The following NCOR1 variants were observed in gnomAD, a reference collection of about 807,000 sequenced individuals.
NCOR1 encodes nuclear receptor corepressor 1, also known as protein phosphatase 1, regulatory subunit 109.
In NCOR1, 63 loss-of-function variants were observed where a neutral mutation model predicts 288.1. That is an observed-to-expected ratio of 0.22 (90% CI 0.18 to 0.27). The LOEUF (loss-of-function observed/expected upper bound fraction) is 0.27, where lower values mean the gene tolerates loss of function less well. NCOR1 is among the 10% of genes least tolerant of loss of function. The pLI, the probability that NCOR1 is intolerant of heterozygous loss-of-function variation, is 1.00. For missense variants in NCOR1, 2,397 were observed against 3,019.2 expected (o/e 0.79, Z 4.83); for synonymous variants, 1,007 against 1,065.9 (o/e 0.94, Z 1.08).
intron 37 of NCOR1, among the ~76,000 whole-genome samples, chr17:16,059,338 C>A (rs1172629401): frequency 6.6e-6 from 1 of 152,148 alleles, no homozygotes; most frequent in Non-Finnish European, 1.5e-5. Context: ...TTATATAACA[C>A]TATATAATGA....
At chr17:16,167,785 G>A (rs976953446) in intron 4 of NCOR1, among the ~76,000 whole-genome samples, 110 of 148,330 alleles carry the variant, frequency 7.4e-4, no homozygotes, top group East Asian at 1.2e-3. Flanking sequence ...GCTTGAACCC[G>A]GGAGGCGGAG....
Position 16,215,492 on chromosome 17 carries a change from C to T in NCOR1, c.-201G>A, listed in dbSNP as rs1279238888. 2.5e-6 allele frequency: 1 copy of T among 398,690 alleles called. No homozygotes were observed. Among genetic ancestry groups the T allele is most frequent in the Non-Finnish European group, 4.4e-6 (1 of 226,240 alleles). 24.7% of individuals were successfully genotyped at this position (398,690 alleles called of 1,614,324 possible). On this transcript the variant is annotated 5_prime_UTR_variant, in exon 1 of 46. Coordinates refer to ENST00000268712, the MANE Select transcript of NCOR1 (RefSeq NM_006311.4). ...GGACGCTCACTCCAGCCGCCGCCGC[C>T]GCCGCGGCTGCTGCTTCGCCACCTT...
At position 16,087,743 on chromosome 17, in the gene NCOR1, T is replaced by C. The variant is rs531966924; in HGVS notation, c.3017-1301A>G. Among the ~76,000 whole-genome samples, 2 of 152,338 alleles carry C rather than the reference T, an allele frequency of 1.3e-5. 1 individual carries two copies. Among genetic ancestry groups the C allele is most frequent in the Admixed American group, 1.3e-4 (2 of 15,302 alleles). On this transcript the variant is annotated intron_variant, in intron 22 of 45. Transcript: ENST00000268712. ...AATTAGCCTGTTGAAGCTCACTCCT[T>C]GCTAATATTCACAGAAATATATTTA...
At position 16,101,240 on chromosome 17, in the gene NCOR1, C is replaced by A. The variant is rs763285607; in HGVS notation, c.2690+10G>T. ...GTAAGCACGGGGAGGACTTATGGAA[C>A]GAGCCTCACCTCTGCCTCTCTGGCT... On this transcript the variant is annotated intron_variant, in intron 20 of 45. Coordinates refer to ENST00000268712, the MANE Select transcript of NCOR1 (RefSeq NM_006311.4). The A allele has an allele frequency of 1.6e-5, 25 of 1,565,348 alleles. No homozygotes were observed. In the South Asian group the frequency reaches 2.9e-4, roughly 18 times the overall value.
intron 1 of NCOR1, among the ~76,000 whole-genome samples, chr17:16,211,024 CCT>C (rs2092079482): frequency 6.6e-6 from 1 of 152,068 alleles, no homozygotes; most frequent in African/African-American, 2.4e-5. Context: ...AGCCACCGCG[CCT>C]GGCCGATTTT....
intron 37 of NCOR1, 112 bp downstream of exon 37, chr17:16,061,289 T>C: frequency 1.5e-6 from 2 of 1,325,910 alleles, no homozygotes; most frequent in Non-Finnish European, 2.1e-6. Context: ...TTGCATTACA[T>C]TTACTATCAA....
intron 42 of NCOR1, among the ~76,000 whole-genome samples, chr17:16,046,226 TG>T (rs1208705637): frequency 6.6e-6 from 1 of 152,194 alleles, no homozygotes; most frequent in Non-Finnish European, 1.5e-5. Flanking sequence ...GACTTGGACT[TG>T]TCCTATACTT....
rs542159200 is a variant in NCOR1 at position 16,169,286 on chromosome 17, A to C, written c.435+2517T>G. ...AGCAAAAAAACAACAACAACAACAAAAAACCCATAAAATTAAATAAAATTA... is the reference window on the plus strand; with the variant it reads ...AGCAAAAAAACAACAACAACAACAACAAACCCATAAAATTAAATAAAATTA... On this transcript the variant is annotated intron_variant, in intron 4 of 45. Transcript: ENST00000268712. 2.0e-4 allele frequency among the ~76,000 whole-genome samples: 31 copies of C among 151,400 alleles called. No individual in the cohort carries two copies. The East Asian group carries it at 4.7e-3, about 23-fold the overall frequency.
intron 22 of NCOR1, among the ~76,000 whole-genome samples, chr17:16,091,283 CA>C (rs1483656350): frequency 2.6e-5 from 4 of 152,208 alleles, no homozygotes; most frequent in African/African-American, 9.7e-5. Context: ...TGTTATATAA[CA>C]ATACCGAATG....
rs570572793 is a variant in NCOR1, at chr17:16,029,685, G to A, written c.*2611C>T. The A allele has an allele frequency of 1.3e-5, 2 of 154,828 alleles. No individual in the cohort carries two copies. Among genetic ancestry groups the A allele is most frequent in the African/African-American group, 4.8e-5 (2 of 41,572 alleles). The allele number at this position is 154,828 out of a possible 1,614,324, so 9.6% of individuals were successfully genotyped here. A position where few individuals can be genotyped will look rare whatever the true frequency, so the allele number is the denominator to read the frequency against. ...CAGTAAGTTGTCAGTGCTGCTCTGT[G>A]CTTACCACTTAAATCATGATAAGGT... On this transcript the variant is annotated 3_prime_UTR_variant, in exon 46 of 46. Transcript: ENST00000268712.
intron 27 of NCOR1, 37 bp from the exon 28 acceptor site, chr17:16,073,606 C>A (rs749870850): frequency 1.3e-6 from 2 of 1,544,710 alleles, no homozygotes; most frequent in Admixed American, 4.0e-5. Flanking sequence ...TCAGACGGAG[C>A]ACATGGTATA....
At position 16,040,470 on chromosome 17, in the gene NCOR1, A is replaced by C; in HGVS notation, c.6704T>G (p.Ile2235Ser). Residue 2235 changes from isoleucine (I) to serine (S), a missense_variant, in exon 43 of 46, where the codon ATC becomes AGC. Ile to Ser is a moderately radical substitution (Grantham distance 142). Transcript: ENST00000268712. ...DMAAAQPGTE[I>S]FNLPAVTTSG... The stretch of plus-strand genomic sequence containing the variant: ...CGTAGTAACTGCTGGCAGATTAAAG[A>C]TCTCAGTTCCTGGCTGAGCAGCTGC... 3 of 1,613,818 alleles carry C rather than the reference A, an allele frequency of 1.9e-6. No homozygotes were observed. The highest frequency in any genetic ancestry group is 2.5e-6 in the Non-Finnish European group (3 of 1,179,916).
In NCOR1 at chr17:16,121,250, C is replaced by T; in HGVS notation, c.1654G>A (p.Asp552Asn). 3.7e-6 allele frequency: 6 copies of T among 1,613,438 alleles called. No individual in the cohort carries two copies. Among genetic ancestry groups the T allele is most frequent in the Non-Finnish European group, 5.1e-6 (6 of 1,179,864 alleles). ...EDSKENTKEKDKIDGTAEETE... is the reference protein window; with the variant it reads ...EDSKENTKEKNKIDGTAEETE... ...TCTTCTGCTGTACCATCTATCTTGTCCTTTTCCTTGGTATTTTCTCTGGAC... is the reference window on the plus strand; with the variant it reads ...TCTTCTGCTGTACCATCTATCTTGTTCTTTTCCTTGGTATTTTCTCTGGAC... The change falls in exon 16 of 46, where the codon GAC becomes AAC. Residue 552 changes from aspartate to asparagine, a missense_variant. Physicochemically the swap from Asp to Asn is conservative, Grantham distance 23. Coordinates refer to ENST00000268712, the MANE Select transcript of NCOR1 (RefSeq NM_006311.4).
intron 4 of NCOR1, among the ~76,000 whole-genome samples, chr17:16,168,750 C>G (rs551003741): frequency 1.4e-4 from 22 of 152,054 alleles, no homozygotes; most frequent in African/African-American, 4.8e-4. Context: ...GCGGGCAGAT[C>G]ACCTGAGGTC....
chr17:16,114,176 C>G (rs1568108960), intron 18 of NCOR1, among the ~76,000 whole-genome samples: 1 of 93,914 alleles, frequency 1.1e-5, no homozygotes, highest in African/African-American at 3.5e-5. Context: ...AAAACTTGTG[C>G]AGGGGAACTC....
Position 16,053,915 on chromosome 17 carries a change from G to A in NCOR1, c.6392+3599C>T, listed in dbSNP as rs140481310. Among the ~76,000 whole-genome samples, 5 of 151,832 alleles carry A rather than the reference G, an allele frequency of 3.3e-5. No homozygotes were observed. In the East Asian group the frequency reaches 7.7e-4, roughly 23 times the overall value. ...TCACACCTACAACTGTCTGATCTTC[G>A]ACAAACCTGACAAAAACAAGCAATG... On this transcript the variant is annotated intron_variant, in intron 40 of 45. Transcript: ENST00000268712.
chr17:16,068,625 G>T (rs1359529833), intron 31 of NCOR1, among the ~76,000 whole-genome samples: 1 of 151,478 alleles, frequency 6.6e-6, no homozygotes, highest in African/African-American at 2.4e-5. Flanking sequence ...CCCTACTCCA[G>T]CCTCTCTTCT....
In NCOR1 at chr17:16,199,212, A is replaced by ACACACACAC. The variant is rs1555813691; in HGVS notation, c.-70-4574_-70-4573insGTGTGTGTG. On this transcript the variant is annotated intron_variant, in intron 1 of 45. Transcript: ENST00000268712. The stretch of plus-strand genomic sequence containing the variant: ...TCCGCCCAATACAGAAGGAAAAAAA[A>ACACACACAC]AAAAACACACACACACACACACACA... Among the ~76,000 whole-genome samples, 23 of 109,686 alleles carry ACACACACAC rather than the reference A, an allele frequency of 2.1e-4. 1 individual carries two copies. The highest frequency in any genetic ancestry group is 7.6e-4 in the African/African-American group (21 of 27,614). 72.0% of individuals were successfully genotyped at this position (109,686 alleles called of 152,430 possible). A position where few individuals can be genotyped will look rare whatever the true frequency, so the allele number is the denominator to read the frequency against.
chr17:16,108,746 G>T (rs768516589), intron 19 of NCOR1, 40 bp downstream of exon 19: 1 of 1,548,804 alleles, frequency 6.5e-7, no homozygotes. Context: ...ATTTATTCTG[G>T]ATAGCAGATG....
Sources: allele counts gnomAD v4.1 joint callset (sites outside exome capture counted in the v4.1 genomes callset), GRCh38; gene constraint gnomAD v4.1.1; transcripts MANE v1.5; gene names NCBI Gene and HGNC (gene_info 2026-07-23, HGNC 2026-07-21).